Variants in EML6 observed in about 807,000 individuals in gnomAD.
The protein encoded by EML6 is echinoderm microtubule-associated protein-like 6.
In EML6, 154 loss-of-function variants were observed where a neutral mutation model predicts 240.1. The observed-to-expected ratio is 0.64, with a 90% CI of 0.56 to 0.73. The LOEUF is 0.73. EML6 is among the 30% of genes least tolerant of loss of function. The probability of loss-of-function intolerance (pLI) is 0.00; values close to 1 mark genes in which losing one functional copy is unlikely to be tolerated. For synonymous variants in EML6, 1,148 were observed against 899.0 expected (o/e 1.28, Z -4.95); for missense variants, 2,964 against 2,474.6 (o/e 1.20, Z -4.20).
At chr2:54,851,457 A>T (rs978888495) in intron 10 of EML6, among the ~76,000 whole-genome samples, 3 of 152,158 alleles carry the variant, frequency 2.0e-5, no homozygotes, top group African/African-American at 4.8e-5. Context: ...AGCCCAATGG[A>T]TTTTAACTCT....
intron 32 of EML6, among the ~76,000 whole-genome samples, chr2:54,956,774 GA>G (rs1270273371): frequency 1.3e-5 from 2 of 151,812 alleles, no homozygotes; most frequent in African/African-American, 2.4e-5. Context: ...GAACGAAGAA[GA>G]AAAAAATAGG....
intron 2 of EML6, among the ~76,000 whole-genome samples, chr2:54,791,598 A>C (rs932364001): frequency 5.3e-5 from 8 of 152,130 alleles, no homozygotes; most frequent in Non-Finnish European, 4.4e-5. Flanking sequence ...ACTATAATAA[A>C]ATATTTACCT....
chr2:54,817,162 T>A (rs532532390), intron 4 of EML6, among the ~76,000 whole-genome samples: 14 of 152,358 alleles, frequency 9.2e-5, no homozygotes, highest in South Asian at 6.2e-4. Flanking sequence ...GAATTGAATT[T>A]GAAATTATGT....
At chr2:54,883,060 A>G (rs1480358674) in intron 17 of EML6, among the ~76,000 whole-genome samples, 2 of 150,726 alleles carry the variant, frequency 1.3e-5, no homozygotes, top group Admixed American at 6.7e-5. Context: ...GTTTTTTAAA[A>G]TAACACTTAT....
At chr2:54,937,317 G>A (rs1675190631) in intron 28 of EML6, among the ~76,000 whole-genome samples, 1 of 151,518 alleles carries the variant, frequency 6.6e-6, no homozygotes, top group Admixed American at 6.6e-5. Context: ...AAGCATGGTG[G>A]GGCAAGCCGG....
At chr2:54,885,040 C>G (rs1454587576) in intron 17 of EML6, among the ~76,000 whole-genome samples, 2 of 152,016 alleles carry the variant, frequency 1.3e-5, no homozygotes, top group Non-Finnish European at 2.9e-5. Context: ...TGCTGTAGTC[C>G]CAGCTGCTTG....
intron 2 of EML6, among the ~76,000 whole-genome samples, chr2:54,797,403 C>T (rs569044020): frequency 2.0e-5 from 3 of 152,110 alleles, no homozygotes; most frequent in East Asian, 1.9e-4. Context: ...TCTAGTAATA[C>T]GAATCCTGTC....
intron 2 of EML6, among the ~76,000 whole-genome samples, chr2:54,734,277 G>A (rs1237425972): frequency 1.3e-5 from 2 of 152,250 alleles, no homozygotes; most frequent in Non-Finnish European, 2.9e-5. Flanking sequence ...AACAGTGGTT[G>A]CAGTGAGCTG....
At chr2:54,728,445 G>A (rs773480316) in intron 2 of EML6, among the ~76,000 whole-genome samples, 2 of 152,090 alleles carry the variant, frequency 1.3e-5, no homozygotes, top group South Asian at 2.1e-4. Context: ...CTCGTTTTCC[G>A]GCTCCCATTT....
rs963003043 is a variant in EML6, at chr2:54,971,895, T to C, written c.*1800T>C. ...TTTATATGGTATGATTTTGATTTTATGTATGTTCATAAATCCTGCACTGTA... is the reference window on the plus strand; with the variant it reads ...TTTATATGGTATGATTTTGATTTTACGTATGTTCATAAATCCTGCACTGTA... On this transcript the variant is annotated 3_prime_UTR_variant, in exon 42 of 42. Transcript: ENST00000356458. 2.6e-5 allele frequency: 4 copies of C among 152,262 alleles called. No individual in the cohort carries two copies. The highest frequency in any genetic ancestry group is 2.0e-4 in the Admixed American group (3 of 15,294). 9.4% of individuals were successfully genotyped at this position (152,262 alleles called of 1,614,324 possible).
rs1466743870 is a variant in EML6, at chr2:54,869,216, A to G, written c.2087A>G (p.Tyr696Cys). The change falls in exon 15 of 42, where the codon TAC becomes TGC. Residue 696 changes from tyrosine (Y) to cysteine (C), a missense_variant. Physicochemically the swap from Tyr to Cys is radical, Grantham distance 194 (BLOSUM62 -2). Transcript: ENST00000356458. ...TACGACTGTAGAAACAATCTGTTCTACACACAAGCTGGAGAAGTAGTCTAC... is the reference window on the plus strand; with the variant it reads ...TACGACTGTAGAAACAATCTGTTCTGCACACAAGCTGGAGAAGTAGTCTAC... ...RGYDCRNNLFYTQAGEVVYHI... is the reference protein window; with the variant it reads ...RGYDCRNNLFCTQAGEVVYHI... 2 of 1,551,722 alleles carry G rather than the reference A, an allele frequency of 1.3e-6. No homozygotes were observed. The highest frequency in any genetic ancestry group is 1.7e-6 in the Non-Finnish European group (2 of 1,146,892).
At chr2:54,968,372 C>G in intron 40 of EML6, 91 bp downstream of exon 40, 1 of 1,216,140 alleles carries the variant, frequency 8.2e-7, no homozygotes, top group Non-Finnish European at 1.2e-6. Context: ...CTCTGGGAGA[C>G]ACAGAGAAAC....
chr2:54,917,869 C>T (rs894799695), intron 26 of EML6, among the ~76,000 whole-genome samples: 2 of 152,164 alleles, frequency 1.3e-5, no homozygotes, highest in Non-Finnish European at 2.9e-5. Context: ...TTTATCAATT[C>T]TTCCTTCAAC....
chr2:54,959,945 T>C (rs1259491203), intron 34 of EML6, among the ~76,000 whole-genome samples: 1 of 152,180 alleles, frequency 6.6e-6, no homozygotes, highest in Non-Finnish European at 1.5e-5. Context: ...TCTAATCTAA[T>C]AAAAAGTCTG....
chr2:54,762,036 A>T (rs1396978334), intron 2 of EML6, among the ~76,000 whole-genome samples: 4 of 152,176 alleles, frequency 2.6e-5, no homozygotes, highest in African/African-American at 7.2e-5. Flanking sequence ...TTCTTTAGTC[A>T]GTAATGCCAA....
intron 11 of EML6, among the ~76,000 whole-genome samples, chr2:54,859,259 G>T (rs1192001738): frequency 6.6e-6 from 1 of 152,130 alleles, no homozygotes; most frequent in Admixed American, 6.6e-5. Flanking sequence ...TTTATTTTCA[G>T]AATCAGTGAA....
chr2:54,907,924 A>G (rs1673413400), intron 24 of EML6, among the ~76,000 whole-genome samples: 1 of 51,172 alleles, frequency 2.0e-5, no homozygotes, highest in Admixed American at 2.2e-4. Flanking sequence ...AGATAGATAG[A>G]TAGATAGATA....
Position 54,817,179 on chromosome 2 carries a change from T to C in EML6, c.456+294T>C, listed in dbSNP as rs186214415. Among the ~76,000 whole-genome samples the C allele has an allele frequency of 3.3e-5, 5 of 152,232 alleles. No homozygotes were observed. The East Asian group carries it at 9.6e-4, about 29-fold the overall frequency. On this transcript the variant is annotated intron_variant, in intron 4 of 41. Coordinates refer to ENST00000356458, the MANE Select transcript of EML6 (RefSeq NM_001039753.4). ...ATTGAATTTGAAATTATGTGTAGTT[T>C]AGATGTATTCATTTAGAAATGGAAA...
Position 54,829,440 on chromosome 2 carries a change from C to T in EML6, c.810C>T (p.Thr270=). 1 of 1,551,568 alleles carries T rather than the reference C, an allele frequency of 6.4e-7. No individual in the cohort carries two copies. The highest frequency in any genetic ancestry group is 8.7e-7 in the Non-Finnish European group (1 of 1,146,642). The part of the protein sequence containing the change: ...RLWDTDFKPI[T]KIDLRETEQG... The stretch of plus-strand genomic sequence containing the variant: ...GGGACACTGATTTCAAACCAATAAC[C>T]AAAATTGATCTCAGGGAGACAGAAC... The change falls in exon 7 of 42, where the codon ACC becomes ACT. Residue 270 remains threonine (T), a synonymous_variant. Coordinates refer to ENST00000356458, the MANE Select transcript of EML6 (RefSeq NM_001039753.4).
Sources: gnomAD v4.1 joint callset for allele counts (sites outside exome capture counted in the v4.1 genomes callset) on GRCh38, gnomAD v4.1.1 for gene constraint, MANE v1.5 for transcripts, NCBI Gene and HGNC (gene_info 2026-07-23, HGNC 2026-07-21) for gene names.